EFCAB12: variants seen among roughly 807,000 people sequenced by gnomAD.
EFCAB12 encodes EF-hand calcium binding domain 12, also known as EF-hand calcium-binding domain-containing protein 12.
A neutral mutation model predicts 53.6 loss-of-function variants in EFCAB12; 43 were observed. That is an observed-to-expected ratio of 0.80 (90% confidence interval 0.63 to 1.03). The LOEUF is 1.03. Ranked by LOEUF, EFCAB12 falls within the 50% of genes least tolerant of loss-of-function variation. EFCAB12 has a pLI of 0.00. For missense variants in EFCAB12, 646 were observed against 730.6 expected (o/e 0.88, Z 1.34); for synonymous variants, 269 against 289.2 (o/e 0.93, Z 0.71).
At chr3:129,426,652 CGGCG>C (rs2072276565) in intron 1 of EFCAB12, among the ~76,000 whole-genome samples, 1 of 151,408 alleles carries the variant, frequency 6.6e-6, no homozygotes, top group Non-Finnish European at 1.5e-5. Flanking sequence ...GCGTGAGCCA[CGGCG>C]CCCGGCCGGG....
At chr3:129,418,896 A>T (rs1302356797) in intron 2 of EFCAB12, among the ~76,000 whole-genome samples, 1 of 152,076 alleles carries the variant, frequency 6.6e-6, no homozygotes, top group Non-Finnish European at 1.5e-5. Flanking sequence ...CTCCTTCTCC[A>T]ATTCCAAGTG....
rs933253533 is a variant in EFCAB12, at chr3:129,404,120, G to T, written c.1403+130C>A. On this transcript the variant is annotated intron_variant, in intron 7 of 8. Transcript: ENST00000505956. ...TCTGCAGTGAGCAGTCAGGTTGGGG[G>T]ATGTTGCCCTAGGATGCAGACGCAA... 26 of 1,251,214 alleles carry T rather than the reference G, an allele frequency of 2.1e-5. No individual in the cohort carries two copies. The African/African-American group carries it at 3.6e-4, about 17-fold the overall frequency. The allele number at this position is 1,251,214 out of a possible 1,614,324, so 77.5% of individuals were successfully genotyped here.
chr3:129,421,847 G>C, intron 1 of EFCAB12, 44 bp from the exon 2 acceptor site: 1 of 1,541,740 alleles, frequency 6.5e-7, no homozygotes, highest in Non-Finnish European at 8.7e-7. Flanking sequence ...TCTGGAAGAG[G>C]ACTGAAAGGA....
intron 1 of EFCAB12, among the ~76,000 whole-genome samples, chr3:129,426,329 C>CCACTTGGAT (rs2072269967): frequency 6.6e-6 from 1 of 151,262 alleles, no homozygotes; most frequent in African/African-American, 2.4e-5. Context: ...TAAAACATCT[C>CCACTTGGAT]CACTTGGATG....
At chr3:129,412,430 ATAG>A (rs2072055143) in intron 4 of EFCAB12, 1 of 7,442 alleles carries the variant, frequency 1.3e-4, no homozygotes, top group East Asian at 1.1e-3. Flanking sequence ...AGATGGATGG[ATAG>A]ATAGATAGAT....
intron 5 of EFCAB12, among the ~76,000 whole-genome samples, chr3:129,409,939 GTACAAA>G (rs2072012967): frequency 2.0e-5 from 3 of 151,788 alleles, no homozygotes; most frequent in Admixed American, 1.3e-4. Flanking sequence ...TTTATTATAT[GTACAAA>G]TACAAATATT....
intron 4 of EFCAB12, chr3:129,411,622 G>C (rs2072041636): frequency 2.8e-6 from 1 of 358,660 alleles, no homozygotes; most frequent in Non-Finnish European, 5.0e-6. Context: ...TCACCAAGCA[G>C]CAAATAGGAT....
At position 129,404,386 on chromosome 3, in the gene EFCAB12, C is replaced by CTCCTGTACCAGGTG; in HGVS notation, c.1266_1267insCACCTGGTACAGGA (p.Asp423HisfsTer72). 6.2e-7 allele frequency: 1 copy of CTCCTGTACCAGGTG among 1,613,472 alleles called. No individual in the cohort carries two copies. On this transcript the variant is annotated frameshift_variant, in exon 7 of 9. Coordinates refer to ENST00000505956, the MANE Select transcript of EFCAB12 (RefSeq NM_207307.3). LOFTEE classifies it high-confidence loss of function. ...TTGTCCATCTGGAAAATGATCTTGT[C>CTCCTGTACCAGGTG]TCCTGGGTACAGCAAGGCTGTGGAC...
Position 129,421,686 on chromosome 3 carries a change from C to T in EFCAB12, c.167G>A (p.Arg56His), listed in dbSNP as rs760320863. 1.4e-5 allele frequency: 22 copies of T among 1,613,656 alleles called. No homozygotes were observed. Among genetic ancestry groups the T allele is most frequent in the East Asian group, 4.5e-5 (2 of 44,882 alleles). The change falls in exon 2 of 9, where the codon CGC becomes CAC. Residue 56 changes from arginine (R) to histidine (H), a missense_variant. Transcript: ENST00000505956. Reference protein sequence around the residue: ...QQKDFRLPQTRRRIIMVPRKE... With the variant: ...QQKDFRLPQTHRRIIMVPRKE... ...GCGAGGCACCATGATGATTCGCCGG[C>T]GGGTCTGAGGCAGGCGGAAGTCCTT...
chr3:129,408,283 T>C (rs2071979682), intron 6 of EFCAB12, among the ~76,000 whole-genome samples: 1 of 152,232 alleles, frequency 6.6e-6, no homozygotes, highest in Non-Finnish European at 1.5e-5. Flanking sequence ...CTCTTCAATA[T>C]TGCAACTCTT....
At chr3:129,409,550 G>A (rs976938390) in intron 5 of EFCAB12, among the ~76,000 whole-genome samples, 1 of 152,182 alleles carries the variant, frequency 6.6e-6, no homozygotes, top group Non-Finnish European at 1.5e-5. Context: ...GGAGGCTGGC[G>A]GAGCAGGTAG....
intron 3 of EFCAB12, among the ~76,000 whole-genome samples, chr3:129,416,062 C>T (rs550397312): frequency 6.0e-4 from 92 of 152,326 alleles, no homozygotes; most frequent in African/African-American, 2.0e-3. Flanking sequence ...GGTAAACAGA[C>T]ATGAGCCACT....
chr3:129,419,341 T>C (rs1421062759), intron 2 of EFCAB12, among the ~76,000 whole-genome samples: 2 of 152,130 alleles, frequency 1.3e-5, no homozygotes, highest in Non-Finnish European at 2.9e-5. Flanking sequence ...CAGGAGTTCG[T>C]TGGAAATGCA....
At chr3:129,419,000 C>T (rs2072156148) in intron 2 of EFCAB12, among the ~76,000 whole-genome samples, 1 of 152,166 alleles carries the variant, frequency 6.6e-6, no homozygotes, top group Non-Finnish European at 1.5e-5. Context: ...GGTATTGTTC[C>T]TCTGTGCTCC....
chr3:129,401,494 G>A lies in EFCAB12; in HGVS notation c.*99C>T. ...ATCCCTCTTTGAAAGGATTTCTTTA[G>A]TTTGACTCTTTGACACTCCTCTTGT... On this transcript the variant is annotated 3_prime_UTR_variant, in exon 9 of 9. Coordinates refer to ENST00000505956, the MANE Select transcript of EFCAB12 (RefSeq NM_207307.3). 1 of 1,424,238 alleles carries A rather than the reference G, an allele frequency of 7.0e-7. No homozygotes were observed. Among genetic ancestry groups the A allele is most frequent in the African/African-American group, 1.4e-5 (1 of 69,374 alleles). The allele number at this position is 1,424,238 out of a possible 1,614,324, so 88.2% of individuals were successfully genotyped here. A position where few individuals can be genotyped will look rare whatever the true frequency, so the allele number is the denominator to read the frequency against.
rs1577051412 is a variant in EFCAB12 at position 129,421,618 on chromosome 3, C to A, written c.235G>T (p.Ala79Ser). Residue 79 changes from alanine to serine, a missense_variant, in exon 2 of 9, where the codon GCT becomes TCT. Transcript: ENST00000505956. ...AAGCTGGGGATGGGCTTTGGGGGAG[C>A]CTGAGGTTGGGATGCAGGATTAAGG... is the stretch of plus-strand genomic sequence containing the variant. The part of the protein sequence containing the change: ...TPLNPASQPQ[A>S]PPKPIPSFKV... 1.9e-6 allele frequency: 3 copies of A among 1,613,790 alleles called. No homozygotes were observed. Among genetic ancestry groups the A allele is most frequent in the African/African-American group, 1.3e-5 (1 of 74,888 alleles).
chr3:129,414,421 G>A (rs2072085251), intron 4 of EFCAB12: 1 of 152,234 alleles, frequency 6.6e-6, no homozygotes, highest in South Asian at 2.1e-4. Context: ...GGGAGGACAA[G>A]GAAGCCCCAA....
intron 1 of EFCAB12, among the ~76,000 whole-genome samples, chr3:129,426,308 C>A (rs2072269731): frequency 6.6e-6 from 1 of 151,170 alleles, no homozygotes; most frequent in Admixed American, 6.6e-5. Context: ...GTTTATACCT[C>A]CAGTTGTTCC....
chr3:129,403,634 C>CT (rs1306901053), intron 7 of EFCAB12: 1 of 152,430 alleles, frequency 6.6e-6, no homozygotes, highest in East Asian at 1.9e-4. Flanking sequence ...GGGATGCTGC[C>CT]TTGTTCCTCT....
Sources: allele counts gnomAD v4.1 joint callset (sites outside exome capture counted in the v4.1 genomes callset), GRCh38; gene constraint gnomAD v4.1.1; transcripts MANE v1.5; gene names NCBI Gene and HGNC (gene_info 2026-07-23, HGNC 2026-07-21).